The following DMXL1 variants were observed in gnomAD, a reference collection of about 807,000 sequenced individuals.
DMXL1 encodes the protein dmX-like protein 1.
Under a neutral mutation model 319.2 loss-of-function variants are expected in DMXL1, and 99 were observed. The ratio of observed to expected loss-of-function variants is 0.31; its 90% CI spans 0.26 to 0.37. DMXL1 has a LOEUF of 0.37. DMXL1 is among the 10% of genes least tolerant of loss of function. The pLI is 1.00. For missense variants in DMXL1, 3,745 were observed against 3,595.6 expected (o/e 1.04, Z -1.06); for synonymous variants, 1,385 against 1,235.2 (o/e 1.12, Z -2.54).
intron 19 of DMXL1, among the ~76,000 whole-genome samples, chr5:119,152,450 G>A (rs1354125623): frequency 3.9e-5 from 6 of 151,940 alleles, no homozygotes; most frequent in Non-Finnish European, 7.4e-5. Context: ...ATTTCACAGA[G>A]TACAGAATAT....
chr5:119,090,114 G>A (rs963339562), intron 1 of DMXL1, among the ~76,000 whole-genome samples: 12 of 132,354 alleles, frequency 9.1e-5, no homozygotes, highest in Middle Eastern at 4.5e-3. Context: ...TCTGCCTCCC[G>A]GGTTCAAGTG....
chr5:119,082,549 A>G (rs1214596032), intron 1 of DMXL1, among the ~76,000 whole-genome samples: 1 of 152,076 alleles, frequency 6.6e-6, no homozygotes, highest in Non-Finnish European at 1.5e-5. Context: ...TGCTGGGATT[A>G]TTTATAGATG....
chr5:119,227,249 T>G (rs1785759991), intron 38 of DMXL1, among the ~76,000 whole-genome samples: 1 of 147,010 alleles, frequency 6.8e-6, no homozygotes, highest in Non-Finnish European at 1.5e-5. Context: ...TTTTCCCTGT[T>G]TAATTTTTTT....
chr5:119,192,543 AC>A (rs1293514155), intron 29 of DMXL1, among the ~76,000 whole-genome samples: 1 of 152,074 alleles, frequency 6.6e-6, no homozygotes, highest in Non-Finnish European at 1.5e-5. Context: ...TAACTTTCTG[AC>A]CCAGTTACAC....
At chr5:119,244,720 T>G in intron 43 of DMXL1, 144 bp downstream of exon 43, 1 of 550,682 alleles carries the variant, frequency 1.8e-6, no homozygotes, top group South Asian at 3.6e-5. Flanking sequence ...TATTTAATCT[T>G]TCAATGAATG....
intron 39 of DMXL1, among the ~76,000 whole-genome samples, chr5:119,234,994 A>G (rs776559225): frequency 4.6e-5 from 7 of 152,186 alleles, no homozygotes; most frequent in Non-Finnish European, 1.0e-4. Flanking sequence ...CTTTGCCTGC[A>G]CAAGTATCTT....
rs749019321 is a variant in DMXL1, at chr5:119,101,928, T to A, written c.214-7T>A. 6.3e-7 allele frequency: 1 copy of A among 1,582,976 alleles called. No individual in the cohort carries two copies. Among genetic ancestry groups the A allele is most frequent in the Non-Finnish European group, 8.6e-7 (1 of 1,163,242 alleles). On this transcript the variant is annotated splice_polypyrimidine_tract_variant and splice_region_variant and intron_variant, in intron 2 of 43. Transcript: ENST00000539542. ...TCCCTAATAAATTCTTTTTTTCTTT[T>A]TAAAAGATTGCAGCGTCTTATGGAA...
At position 119,166,712 on chromosome 5, in the gene DMXL1, A is replaced by G; in HGVS notation, c.5067A>G (p.Leu1689=). 2 of 1,613,244 alleles carry G rather than the reference A, an allele frequency of 1.2e-6. No homozygotes were observed. The highest frequency in any genetic ancestry group is 2.2e-5 in the South Asian group (2 of 90,918). ...CTTTAAAGAATGCTTTTTCTTTGCT[A>G]GGCAAACAAAGATTTGAACATTCTG... ...KAALKNAFSL[L]GKQRFEHSAA... Residue 1689 remains leucine (L), a synonymous_variant, in exon 22 of 44, where the codon CTA becomes CTG. Transcript: ENST00000539542.
At chr5:119,145,191 C>G (rs757629126) in intron 15 of DMXL1, among the ~76,000 whole-genome samples, 20 of 151,802 alleles carry the variant, frequency 1.3e-4, no homozygotes, top group Non-Finnish European at 2.4e-4. Context: ...ATATCACAAT[C>G]TTATAAATCA....
chr5:119,234,757 A>G (rs1031230359), intron 39 of DMXL1, among the ~76,000 whole-genome samples: 2 of 152,138 alleles, frequency 1.3e-5, no homozygotes, highest in African/African-American at 4.8e-5. Context: ...CTGAACCCTT[A>G]TCTCTCTAAT....
At chr5:119,094,626 G>A (rs983003236) in intron 1 of DMXL1, among the ~76,000 whole-genome samples, 14 of 152,154 alleles carry the variant, frequency 9.2e-5, no homozygotes, top group African/African-American at 3.4e-4. Flanking sequence ...TAAGGCTATA[G>A]CTGCTATAGA....
intron 33 of DMXL1, 32 bp from the exon 34 acceptor site, chr5:119,206,802 C>T: frequency 7.2e-7 from 1 of 1,389,950 alleles, no homozygotes; most frequent in Non-Finnish European, 9.7e-7. Flanking sequence ...CATCTTTACT[C>T]TTTGTCATGT....
intron 1 of DMXL1, among the ~76,000 whole-genome samples, chr5:119,078,731 C>G (rs1269346812): frequency 6.6e-6 from 1 of 152,194 alleles, no homozygotes; most frequent in Admixed American, 6.5e-5. Flanking sequence ...GGATTACAGA[C>G]ATGACCCACT....
intron 10 of DMXL1, among the ~76,000 whole-genome samples, chr5:119,129,877 TAGAG>T (rs913508719): frequency 2.6e-5 from 4 of 152,186 alleles, no homozygotes; most frequent in East Asian, 1.9e-4. Flanking sequence ...GAGAGAGAGT[TAGAG>T]AGAAAGAAAG....
At chr5:119,121,430 C>T (rs558812742) in intron 9 of DMXL1, among the ~76,000 whole-genome samples, 1 of 151,962 alleles carries the variant, frequency 6.6e-6, no homozygotes, top group South Asian at 2.1e-4. Context: ...ACCCTGCGGC[C>T]TTCCGCTGTG....
chr5:119,174,442 G>A (rs916291532), intron 25 of DMXL1, among the ~76,000 whole-genome samples: 31 of 152,142 alleles, frequency 2.0e-4, no homozygotes, highest in African/African-American at 7.2e-4. Context: ...GATCATTTTT[G>A]CAAGCTCCCA....
chr5:119,101,901 TATCCCTA>T, intron 2 of DMXL1, 27 bp from the exon 3 acceptor site: 1 of 1,395,670 alleles, frequency 7.2e-7, no homozygotes, highest in Non-Finnish European at 9.9e-7. Context: ...TAAGTTAACA[TATCCCTA>T]ATAAATTCTT....
intron 37 of DMXL1, among the ~76,000 whole-genome samples, chr5:119,223,486 T>C (rs946357985): frequency 2.0e-5 from 3 of 152,220 alleles, no homozygotes; most frequent in African/African-American, 7.2e-5. Context: ...AAAATGTGTT[T>C]ATACTCCAAA....
At chr5:119,073,434 T>G (rs1187911199) in intron 1 of DMXL1, among the ~76,000 whole-genome samples, 1 of 152,224 alleles carries the variant, frequency 6.6e-6, no homozygotes, top group African/African-American at 2.4e-5. Flanking sequence ...ATATGCAGTA[T>G]GATGGCCTAT....
Sources: allele counts gnomAD v4.1 joint callset (sites outside exome capture counted in the v4.1 genomes callset), GRCh38; gene constraint gnomAD v4.1.1; transcripts MANE v1.5; gene names NCBI Gene and HGNC (gene_info 2026-07-23, HGNC 2026-07-21).